The following XKR4 variants were observed in gnomAD, a reference collection of about 807,000 sequenced individuals.
The protein encoded by XKR4 is XK-related protein 4.
A neutral mutation model predicts 53.9 loss-of-function variants in XKR4; 12 were observed. The observed-to-expected ratio is 0.22, with a 90% CI of 0.14 to 0.36. The LOEUF (loss-of-function observed/expected upper bound fraction) is 0.36, where lower values mean the gene tolerates loss of function less well. Ranked by LOEUF, XKR4 falls within the 10% of genes least tolerant of loss-of-function variation. The pLI, the probability that XKR4 is intolerant of heterozygous loss-of-function variation, is 1.00. For missense variants in XKR4, 799 were observed against 859.5 expected (o/e 0.93, Z 0.88); for synonymous variants, 354 against 362.4 (o/e 0.98, Z 0.26).
intron 1 of XKR4, among the ~76,000 whole-genome samples, chr8:55,263,067 G>A (rs1236590991): frequency 6.6e-6 from 1 of 152,160 alleles, no homozygotes; most frequent in Non-Finnish European, 1.5e-5. Context: ...TGCTCTTTCT[G>A]CCTCAGTTCA....
chr8:55,489,427 A>G lies in XKR4; in HGVS notation c.1007-33854A>G, dbSNP rs144414759. ...GAATTTCAAGTATTTATCTGTTAAGAACAATAGTTACAACAAAAACATGGA... is the reference window on the plus strand; with the variant it reads ...GAATTTCAAGTATTTATCTGTTAAGGACAATAGTTACAACAAAAACATGGA... On this transcript the variant is annotated intron_variant, in intron 2 of 2. Transcript: ENST00000327381. 5.8e-4 allele frequency among the ~76,000 whole-genome samples: 89 copies of G among 152,270 alleles called. No individual in the cohort carries two copies. The East Asian group carries it at 0.016, about 27-fold the overall frequency.
chr8:55,308,365 A>C (rs187677628), intron 1 of XKR4, among the ~76,000 whole-genome samples: 1 of 152,330 alleles, frequency 6.6e-6, no homozygotes, highest in Non-Finnish European at 1.5e-5. Flanking sequence ...GGCCTAAGGA[A>C]ACTTACAATC....
In XKR4 at chr8:55,495,622, C is replaced by T. The variant is rs541755939; in HGVS notation, c.1007-27659C>T. Among the ~76,000 whole-genome samples, 3 of 152,356 alleles carry T rather than the reference C, an allele frequency of 2.0e-5. No individual in the cohort carries two copies. The South Asian group carries it at 6.2e-4, about 32-fold the overall frequency. ...GATTTGAGGATTGTCTCCTTCCCCC[C>T]CAGGCCCTCCCCACAGTGGCGGTGG... On this transcript the variant is annotated intron_variant, in intron 2 of 2. Transcript: ENST00000327381.
chr8:55,280,921 T>C (rs983415605), intron 1 of XKR4, among the ~76,000 whole-genome samples: 4 of 152,192 alleles, frequency 2.6e-5, no homozygotes, highest in Non-Finnish European at 5.9e-5. Context: ...AATTAAATCT[T>C]CCAATGAACA....
At chr8:55,484,330 A>T (rs1806161006) in intron 2 of XKR4, among the ~76,000 whole-genome samples, 1 of 152,228 alleles carries the variant, frequency 6.6e-6, no homozygotes, top group South Asian at 2.1e-4. Flanking sequence ...TTTTTATGAA[A>T]CTCATATTAC....
In XKR4 at chr8:55,153,699, A is replaced by G. The variant is rs565147986; in HGVS notation, c.806+50405A>G. On this transcript the variant is annotated intron_variant, in intron 1 of 2. Transcript: ENST00000327381. ...CTTTGAAAGGCTTACTTTGATGACAAATCTTAACTGTTAAGTGCCCAGTGC... is the reference window on the plus strand; with the variant it reads ...CTTTGAAAGGCTTACTTTGATGACAGATCTTAACTGTTAAGTGCCCAGTGC... Among the ~76,000 whole-genome samples the G allele has an allele frequency of 4.0e-3, 613 of 152,330 alleles. 4 individuals carry two copies. Among genetic ancestry groups the G allele is most frequent in the South Asian group, 0.013 (63 of 4,818 alleles).
chr8:55,341,631 G>T (rs1336681653), intron 1 of XKR4, among the ~76,000 whole-genome samples: 1 of 152,226 alleles, frequency 6.6e-6, no homozygotes, highest in African/African-American at 2.4e-5. Context: ...TGACCAAAGA[G>T]CATGTAGGTT....
intron 2 of XKR4, among the ~76,000 whole-genome samples, chr8:55,377,828 A>T (rs1009399677): frequency 6.6e-6 from 1 of 152,230 alleles, no homozygotes; most frequent in African/African-American, 2.4e-5. Context: ...ATATAATCAG[A>T]CCCCAGAAAG....
Position 55,103,309 on chromosome 8 carries a change from G to A in XKR4, c.806+15G>A. On this transcript the variant is annotated intron_variant, in intron 1 of 2. Coordinates refer to ENST00000327381, the MANE Select transcript of XKR4 (RefSeq NM_052898.2). Reference sequence around the variant, plus strand: ...CAAATCTGGAGGTACTGTAATGGGTGGGGGAAAAGGGAGGCTTGCTGCTGC... The same window carrying A: ...CAAATCTGGAGGTACTGTAATGGGTAGGGGAAAAGGGAGGCTTGCTGCTGC... 6.4e-7 allele frequency: 1 copy of A among 1,573,038 alleles called. No homozygotes were observed. Among genetic ancestry groups the A allele is most frequent in the African/African-American group, 1.4e-5 (1 of 73,870 alleles).
intron 1 of XKR4, among the ~76,000 whole-genome samples, chr8:55,230,032 A>G (rs1051114155): frequency 5.3e-5 from 8 of 151,902 alleles, no homozygotes; most frequent in African/African-American, 1.9e-4. Flanking sequence ...CTCTCACTCT[A>G]TGTGGGTTGT....
At chr8:55,459,245 C>T (rs1805613633) in intron 2 of XKR4, among the ~76,000 whole-genome samples, 1 of 151,944 alleles carries the variant, frequency 6.6e-6, no homozygotes, top group African/African-American at 2.4e-5. Flanking sequence ...GATCATAAAC[C>T]CTTGGCTTAT....
intron 1 of XKR4, among the ~76,000 whole-genome samples, chr8:55,170,557 C>A (rs975379404): frequency 4.6e-5 from 7 of 152,160 alleles, no homozygotes; most frequent in Non-Finnish European, 8.8e-5. Context: ...GAGAACTGAC[C>A]TACAGAGCTG....
At chr8:55,421,369 G>A (rs1302717039) in intron 2 of XKR4, among the ~76,000 whole-genome samples, 1 of 152,170 alleles carries the variant, frequency 6.6e-6, no homozygotes, top group Non-Finnish European at 1.5e-5. Context: ...TTGCCATACG[G>A]TTTACTTGCT....
intron 2 of XKR4, among the ~76,000 whole-genome samples, chr8:55,461,280 C>A (rs1184507826): frequency 6.6e-6 from 1 of 152,202 alleles, no homozygotes; most frequent in Non-Finnish European, 1.5e-5. Context: ...ACAAAACTTC[C>A]AGAGGAACGA....
chr8:55,153,606 C>T (rs899035884), intron 1 of XKR4, among the ~76,000 whole-genome samples: 1 of 152,250 alleles, frequency 6.6e-6, no homozygotes, highest in African/African-American at 2.4e-5. Flanking sequence ...ACGTGATGAA[C>T]CCTGAGAATA....
chr8:55,516,698 A>G (rs911792053), intron 2 of XKR4, among the ~76,000 whole-genome samples: 2 of 152,248 alleles, frequency 1.3e-5, no homozygotes, highest in African/African-American at 4.8e-5. Flanking sequence ...TACAACCTTT[A>G]TGGAAAACAG....
chr8:55,253,277 G>C (rs1200696956), intron 1 of XKR4, among the ~76,000 whole-genome samples: 1 of 152,070 alleles, frequency 6.6e-6, no homozygotes, highest in Non-Finnish European at 1.5e-5. Context: ...CACCACCATG[G>C]AAGCCAAATG....
chr8:55,212,517 G>A (rs1817744534), intron 1 of XKR4, among the ~76,000 whole-genome samples: 1 of 152,188 alleles, frequency 6.6e-6, no homozygotes, highest in South Asian at 2.1e-4. Context: ...ATTCCAAGCG[G>A]AGGGAGGTAT....
rs79007473 is a variant in XKR4 at position 55,199,548 on chromosome 8, G to C, written c.806+96254G>C. ...CTTTAGGTCCCCATTGTGCAGATGAGGGGGAACAGAGGCTCAGGGATATTA... is the reference window on the plus strand; with the variant it reads ...CTTTAGGTCCCCATTGTGCAGATGACGGGGAACAGAGGCTCAGGGATATTA... On this transcript the variant is annotated intron_variant, in intron 1 of 2. Transcript: ENST00000327381. Among the ~76,000 whole-genome samples the C allele has an allele frequency of 3.3e-5, 5 of 152,260 alleles. No individual in the cohort carries two copies. The East Asian group carries it at 9.6e-4, about 29-fold the overall frequency.
Sources: gnomAD v4.1 joint callset for allele counts (sites outside exome capture counted in the v4.1 genomes callset) on GRCh38, gnomAD v4.1.1 for gene constraint, MANE v1.5 for transcripts, NCBI Gene and HGNC (gene_info 2026-07-23, HGNC 2026-07-21) for gene names.